Variants in NWD2 observed in about 807,000 individuals in gnomAD.
The protein encoded by NWD2 is NACHT and WD repeat domain-containing protein 2.
NWD2 carries 37 observed loss-of-function variants against 132.7 expected under a neutral mutation model. The observed-to-expected ratio is 0.28, with a 90% CI of 0.21 to 0.37. The LOEUF is 0.37. Ranked by LOEUF, NWD2 falls within the 10% of genes least tolerant of loss-of-function variation. The pLI is 1.00. For missense variants in NWD2, 1,592 were observed against 2,122.4 expected (o/e 0.75, Z 4.91); for synonymous variants, 705 against 803.0 (o/e 0.88, Z 2.06).
intron 3 of NWD2, among the ~76,000 whole-genome samples, chr4:37,409,305 A>T (rs1022635760): frequency 6.6e-6 from 1 of 152,018 alleles, no homozygotes; most frequent in Non-Finnish European, 1.5e-5. Flanking sequence ...CAGTTTAGAG[A>T]AGAACATAAA....
At chr4:37,348,683 C>CAT (rs1209673761) in intron 2 of NWD2, among the ~76,000 whole-genome samples, 2 of 120,104 alleles carry the variant, frequency 1.7e-5, no homozygotes, top group Middle Eastern at 4.3e-3. Context: ...TATACACACA[C>CAT]ACACACACAC....
chr4:37,414,131 A>AAAAAAAG (rs1423402081), intron 3 of NWD2, among the ~76,000 whole-genome samples: 1 of 151,068 alleles, frequency 6.6e-6, no homozygotes, highest in Non-Finnish European at 1.5e-5. Context: ...AAAAAAAAGA[A>AAAAAAAG]AAAAAAGAAA....
Position 37,443,819 on chromosome 4 carries a change from A to G in NWD2, c.1831A>G (p.Met611Val). The change falls in exon 7 of 7, where the codon ATG becomes GTG. Residue 611 changes from methionine (M) to valine (V), a missense_variant. By Grantham distance (21) the Met-to-Val change is conservative. Coordinates refer to ENST00000309447, the MANE Select transcript of NWD2 (RefSeq NM_001144990.2). The surrounding 1 kb of genome is among the most constrained non-coding windows in gnomAD (Gnocchi z 4.1). The stretch of plus-strand genomic sequence containing the variant: ...TGCATTATCCAAGTGCACACTGCCA[A>G]TGTTTGTGAACCTGACCTTCAGGGA... ...NNALSKCTLP[M>V]FVNLTFREVR... 3.9e-6 allele frequency: 6 copies of G among 1,552,154 alleles called. No homozygotes were observed. The highest frequency in any genetic ancestry group is 5.2e-6 in the Non-Finnish European group (6 of 1,147,098).
intron 1 of NWD2, among the ~76,000 whole-genome samples, chr4:37,253,489 C>T (rs1356840137): frequency 6.6e-6 from 1 of 152,140 alleles, no homozygotes; most frequent in Non-Finnish European, 1.5e-5. Context: ...AGCAGATGGG[C>T]AGAGATTGTC....
chr4:37,362,176 A>T (rs912031776), intron 3 of NWD2, among the ~76,000 whole-genome samples: 1 of 152,236 alleles, frequency 6.6e-6, no homozygotes, highest in Non-Finnish European at 1.5e-5. Flanking sequence ...AGATGACGCA[A>T]ACAAATGGAA....
intron 3 of NWD2, among the ~76,000 whole-genome samples, chr4:37,428,979 G>T (rs1220380214): frequency 7.9e-5 from 12 of 152,076 alleles, no homozygotes; most frequent in African/African-American, 2.9e-4. Context: ...TGATCTGCTC[G>T]CCTTGGCCTC....
At chr4:37,406,116 G>A (rs979091718) in intron 3 of NWD2, among the ~76,000 whole-genome samples, 1 of 152,188 alleles carries the variant, frequency 6.6e-6, no homozygotes, top group Non-Finnish European at 1.5e-5. Flanking sequence ...TGAACTTGGA[G>A]GTTGTCATAG....
rs184393049 is a variant in NWD2, at chr4:37,378,846, A to G, written c.357+22364A>G. Among the ~76,000 whole-genome samples, 211 of 152,356 alleles carry G rather than the reference A, an allele frequency of 1.4e-3. 1 individual carries two copies. The highest frequency in any genetic ancestry group is 4.7e-3 in the Admixed American group (72 of 15,302). On this transcript the variant is annotated intron_variant, in intron 3 of 6. Coordinates refer to ENST00000309447, the MANE Select transcript of NWD2 (RefSeq NM_001144990.2). ...AGAATTAGGCTTTTTGCTGAAATTC[A>G]CAAGGATTTATTTGTTGTTTTAAAG... is the stretch of plus-strand genomic sequence containing the variant.
intron 1 of NWD2, among the ~76,000 whole-genome samples, chr4:37,318,420 A>C (rs1719002264): frequency 6.6e-6 from 1 of 152,176 alleles, no homozygotes; most frequent in African/African-American, 2.4e-5. Context: ...GGTATACAAA[A>C]AAGGTATTTT....
chr4:37,427,222 T>A lies in NWD2; in HGVS notation c.358-3350T>A, dbSNP rs1030274927. 5.3e-5 allele frequency among the ~76,000 whole-genome samples: 8 copies of A among 152,282 alleles called. No individual in the cohort carries two copies. In the East Asian group the frequency reaches 1.5e-3, roughly 29 times the overall value. On this transcript the variant is annotated intron_variant, in intron 3 of 6. Coordinates refer to ENST00000309447, the MANE Select transcript of NWD2 (RefSeq NM_001144990.2). ...TTAGACATTCTCTTATTCCCTATTT[T>A]GCCCATGTGGGTCTGTTCGATGGCA...
chr4:37,318,103 G>A (rs1718996334), intron 1 of NWD2, among the ~76,000 whole-genome samples: 2 of 141,902 alleles, frequency 1.4e-5, no homozygotes, highest in Non-Finnish European at 1.5e-5. Context: ...TTGGCTCACT[G>A]CAACCTCCAC....
At chr4:37,352,346 A>G (rs1243867832) in intron 2 of NWD2, among the ~76,000 whole-genome samples, 1 of 152,012 alleles carries the variant, frequency 6.6e-6, no homozygotes, top group Non-Finnish European at 1.5e-5. Context: ...AACTTGCTTT[A>G]TGAATCTTGG....
chr4:37,267,602 T>C (rs185806561), intron 1 of NWD2, among the ~76,000 whole-genome samples: 109 of 152,104 alleles, frequency 7.2e-4, no homozygotes, highest in African/African-American at 2.5e-3. Context: ...TCACAATCTA[T>C]GTAGATCTAC....
intron 2 of NWD2, among the ~76,000 whole-genome samples, chr4:37,345,234 C>G (rs1437368079): frequency 6.6e-6 from 1 of 152,070 alleles, no homozygotes; most frequent in Non-Finnish European, 1.5e-5. Context: ...TGAGTATATA[C>G]CTAGTAGTAG....
chr4:37,446,469 TCG>T lies in NWD2; in HGVS notation c.4482_4483del (p.Phe1496TyrfsTer15). 6.4e-7 allele frequency: 1 copy of T among 1,551,726 alleles called. No homozygotes were observed. Among genetic ancestry groups the T allele is most frequent in the Non-Finnish European group, 8.7e-7 (1 of 1,147,000 alleles). ...TTAATCCCTGACTGTCCTGATATCATCGTGTTTATCACATCGGCCGAGACTGT... is the reference window on the plus strand; with the variant it reads ...TTAATCCCTGACTGTCCTGATATCATTGTTTATCACATCGGCCGAGACTGT... On this transcript the variant is annotated frameshift_variant, in exon 7 of 7. Transcript: ENST00000309447. LOFTEE classifies it high-confidence loss of function. This position sits in a 1 kb window ranked among gnomAD's most constrained non-coding sequence, Gnocchi z 6.7.
chr4:37,286,769 C>G (rs562949923), intron 1 of NWD2, among the ~76,000 whole-genome samples: 9 of 152,180 alleles, frequency 5.9e-5, no homozygotes, highest in Middle Eastern at 3.4e-3. Flanking sequence ...TGGAGCAGTT[C>G]CTAAGGAGGG....
intron 1 of NWD2, among the ~76,000 whole-genome samples, chr4:37,261,308 A>G (rs1717632768): frequency 6.6e-6 from 1 of 152,228 alleles, no homozygotes; most frequent in Non-Finnish European, 1.5e-5. Flanking sequence ...AGGGAAGGAC[A>G]TGTAACATGA....
rs189837334 is a variant in NWD2 at position 37,277,091 on chromosome 4, C to T, written c.151+31873C>T. 2.3e-3 allele frequency among the ~76,000 whole-genome samples: 353 copies of T among 151,366 alleles called. 1 individual carries two copies. Among genetic ancestry groups the T allele is most frequent in the Non-Finnish European group, 5.0e-4 (34 of 67,860 alleles). On this transcript the variant is annotated intron_variant, in intron 1 of 6. Transcript: ENST00000309447. ...ATGGCACATGTACATATGTAACAAA[C>T]CTGCACATTGTGCACATGTACCCTA...
At chr4:37,333,451 G>A (rs183498526) in intron 2 of NWD2, among the ~76,000 whole-genome samples, 2 of 152,302 alleles carry the variant, frequency 1.3e-5, no homozygotes, top group Admixed American at 1.3e-4. Context: ...TGGTAATCCA[G>A]AGAATTCTTC....
Sources: allele counts gnomAD v4.1 joint callset (sites outside exome capture counted in the v4.1 genomes callset), GRCh38; gene constraint gnomAD v4.1.1; non-coding constraint Gnocchi (gnomAD v3.1); transcripts MANE v1.5; gene names NCBI Gene and HGNC (gene_info 2026-07-23, HGNC 2026-07-21).